Variants in SCN4A observed in about 807,000 individuals in gnomAD.
SCN4A encodes sodium voltage-gated channel alpha subunit 4.
A neutral mutation model predicts 162.0 loss-of-function variants in SCN4A; 83 were observed. The observed-to-expected ratio is 0.51, with a 90% CI of 0.43 to 0.61. SCN4A has a LOEUF of 0.61. Among genes scored for constraint, SCN4A ranks in the 20% least tolerant of loss-of-function variants. The pLI, the probability that SCN4A is intolerant of heterozygous loss-of-function variation, is 0.00. For synonymous variants in SCN4A, 944 were observed against 985.1 expected (o/e 0.96, Z 0.78); for missense variants, 2,196 against 2,462.5 (o/e 0.89, Z 2.29).
In SCN4A at chr17:63,972,062, A is replaced by T; in HGVS notation, c.482+74T>A. 8.2e-7 allele frequency: 1 copy of T among 1,220,502 alleles called. No homozygotes were observed. Among genetic ancestry groups the T allele is most frequent in the Non-Finnish European group, 1.2e-6 (1 of 839,614 alleles). The allele number at this position is 1,220,502 out of a possible 1,614,324, so 75.6% of individuals were successfully genotyped here. A position where few individuals can be genotyped will look rare whatever the true frequency, so the allele number is the denominator to read the frequency against. ...TGTCTCCCTGAAAGACAAGAGCAGC[A>T]CCACACAGAGGTGCAAACACCTGAG... On this transcript the variant is annotated intron_variant, in intron 3 of 23. Coordinates refer to ENST00000435607, the MANE Select transcript of SCN4A (RefSeq NM_000334.4). This position sits in a 1 kb window ranked among gnomAD's most constrained non-coding sequence, Gnocchi z 4.3.
At chr17:63,959,780 T>C (rs1449921138) in intron 11 of SCN4A, among the ~76,000 whole-genome samples, 2 of 152,214 alleles carry the variant, frequency 1.3e-5, no homozygotes, top group African/African-American at 4.8e-5. Flanking sequence ...GTGACTTCAC[T>C]GGTATCCTGA....
intron 13 of SCN4A, among the ~76,000 whole-genome samples, chr17:63,953,236 T>C (rs1267504399): frequency 6.6e-6 from 1 of 152,084 alleles, no homozygotes; most frequent in South Asian, 2.1e-4. Context: ...GGCATGCGCC[T>C]GTAGTCCTAA....
In SCN4A at chr17:63,947,877, TG is replaced by T. The variant is rs771015973; in HGVS notation, c.3318+12del. On this transcript the variant is annotated intron_variant, in intron 17 of 23. Transcript: ENST00000435607. ...TCTGGATGTAGCTACGGGGCCAGCGTGGGGGGACTCACATCCACGATGAGGA... is the reference window on the plus strand; with the variant it reads ...TCTGGATGTAGCTACGGGGCCAGCGTGGGGGACTCACATCCACGATGAGGA... 2.5e-6 allele frequency: 4 copies of T among 1,612,340 alleles called. No individual in the cohort carries two copies. In the South Asian group the frequency reaches 4.4e-5, roughly 18 times the overall value.
chr17:63,952,349 G>A (rs1016103726), intron 13 of SCN4A, among the ~76,000 whole-genome samples: 28 of 151,936 alleles, frequency 1.8e-4, no homozygotes, highest in African/African-American at 3.9e-4. Context: ...TTGTAGAGAC[G>A]GGGTTTCAAC....
At chr17:63,961,667 G>C (rs1187452260) in intron 10 of SCN4A, 6 of 512,800 alleles carry the variant, frequency 1.2e-5, no homozygotes, top group African/African-American at 7.7e-5. Flanking sequence ...GAGCGCGGCC[G>C]GCTCCAAGCT....
At position 63,940,831 on chromosome 17, in the gene SCN4A, C is replaced by T. The variant is rs1555600494; in HGVS notation, c.5451G>A (p.Trp1817Ter). 6.2e-7 allele frequency: 1 copy of T among 1,608,178 alleles called. No individual in the cohort carries two copies. Among genetic ancestry groups the T allele is most frequent in the Non-Finnish European group, 8.5e-7 (1 of 1,176,132 alleles). ...TCTGCCCTGGGGGAGGGGCGGGAGG[C>T]CAGGCAGTGTCTGAGGGGCTGATGG... The part of the protein sequence containing the change: ...LMPISPSDTA[W>*]PPAPPPGQTV... Residue 1817 changes from tryptophan to a stop codon, truncating the protein, a stop_gained, in exon 24 of 24, where the codon TGG (tryptophan) becomes TGA (stop). Transcript: ENST00000435607. LOFTEE classifies it high-confidence loss of function.
At chr17:63,963,390 C>A (rs920888377) in intron 10 of SCN4A, among the ~76,000 whole-genome samples, 2 of 152,226 alleles carry the variant, frequency 1.3e-5, no homozygotes, top group Admixed American at 6.5e-5. Context: ...CCCATAGCAG[C>A]CTGGCCTTGC....
Position 63,951,527 on chromosome 17 carries a change from T to C in SCN4A, c.2750A>G (p.Asn917Ser), listed in dbSNP as rs1467103662. Residue 917 changes from asparagine (N) to serine (S), a missense_variant, in exon 14 of 24, where the codon AAC (asparagine) becomes AGC (serine). Asn to Ser is a conservative substitution (Grantham distance 46, BLOSUM62 1). Transcript: ENST00000435607. This position sits in a 1 kb window ranked among gnomAD's most constrained non-coding sequence, Gnocchi z 4.5. Reference sequence around the variant, plus strand: ...GGGCACCTGTATGGTCAGGTAGGGGTTGTTGATGAAGTTAAGGTGGTCCAG... The same window carrying C: ...GGGCACCTGTATGGTCAGGTAGGGGCTGTTGATGAAGTTAAGGTGGTCCAG... Reference protein sequence around the residue: ...LELDHLNFINNPYLTIQVPIA... With the variant: ...LELDHLNFINSPYLTIQVPIA... 1.2e-6 allele frequency: 2 copies of C among 1,613,536 alleles called. No individual in the cohort carries two copies. Among genetic ancestry groups the C allele is most frequent in the Non-Finnish European group, 8.5e-7 (1 of 1,179,770 alleles).
At chr17:63,946,353 G>A (rs1418300610) in intron 18 of SCN4A, among the ~76,000 whole-genome samples, 2 of 152,252 alleles carry the variant, frequency 1.3e-5, no homozygotes, top group East Asian at 3.9e-4. Flanking sequence ...GACAGGAAGG[G>A]GCCGCTTGGG....
chr17:63,941,546 CAGA>C lies in SCN4A; in HGVS notation c.4733_4735del (p.Phe1578del). On this transcript the variant is annotated inframe_deletion, in exon 24 of 24. Transcript: ENST00000435607. This position sits in a 1 kb window ranked among gnomAD's most constrained non-coding sequence, Gnocchi z 6.2. ...GAGGAAGGAGATGATGATATAGCTGCAGAAGAAGCAGATGCCGATGGAGGGGTT... is the reference window on the plus strand; with the variant it reads ...GAGGAAGGAGATGATGATATAGCTGCAGAAGCAGATGCCGATGGAGGGGTT... The C allele has an allele frequency of 2.5e-6, 4 of 1,614,044 alleles. No individual in the cohort carries two copies. The highest frequency in any genetic ancestry group is 3.4e-6 in the Non-Finnish European group (4 of 1,180,012).
chr17:63,962,331 C>T (rs953907720), intron 10 of SCN4A, among the ~76,000 whole-genome samples: 6 of 152,196 alleles, frequency 3.9e-5, no homozygotes, highest in Non-Finnish European at 8.8e-5. Flanking sequence ...TGTCCCCAGC[C>T]GGTCCATCCT....
In SCN4A at chr17:63,949,614, G is replaced by A. The variant is rs566067052; in HGVS notation, c.2854-86C>T. On this transcript the variant is annotated intron_variant, in intron 14 of 23. Transcript: ENST00000435607. ...CCAGATGGGGCAGGATGGGAGACCA[G>A]AAGGGAAGGGAAGAAGAGAGGGAGG... The A allele has an allele frequency of 3.6e-5, 51 of 1,423,610 alleles. No individual in the cohort carries two copies. In the Admixed American group the frequency reaches 6.7e-4, roughly 19 times the overall value. 88.2% of individuals were successfully genotyped at this position (1,423,610 alleles called of 1,614,324 possible).
chr17:63,954,123 C>T (rs1453650539), intron 13 of SCN4A, among the ~76,000 whole-genome samples: 2 of 152,180 alleles, frequency 1.3e-5, no homozygotes, highest in Admixed American at 6.5e-5. Flanking sequence ...CACCCTTGGC[C>T]GTCTCCTCGG....
At chr17:63,962,053 T>G (rs1414695884) in intron 10 of SCN4A, among the ~76,000 whole-genome samples, 1 of 151,182 alleles carries the variant, frequency 6.6e-6, no homozygotes, top group Non-Finnish European at 1.5e-5. Flanking sequence ...CGCCTTTCAA[T>G]GCCCTGCCTC....
intron 16 of SCN4A, 113 bp from the exon 17 acceptor site, chr17:63,948,176 G>A: frequency 2.5e-6 from 2 of 791,470 alleles, no homozygotes; most frequent in Non-Finnish European, 1.9e-6. Flanking sequence ...TGGGGGCCCA[G>A]CCCAAGGGAC....
At chr17:63,946,302 G>C (rs1484287754) in intron 18 of SCN4A, among the ~76,000 whole-genome samples, 1 of 152,070 alleles carries the variant, frequency 6.6e-6, no homozygotes, top group Non-Finnish European at 1.5e-5. Flanking sequence ...CCCTGGCTCT[G>C]GGGGGTCAGA....
chr17:63,970,128 A>G (rs1424457490), intron 5 of SCN4A, among the ~76,000 whole-genome samples: 1 of 152,086 alleles, frequency 6.6e-6, no homozygotes, highest in East Asian at 1.9e-4. Context: ...AATTGCTCTG[A>G]CCTTATTGCT....
rs777666702 is a variant in SCN4A, at chr17:63,948,096, G to C, written c.3145-33C>G. ...CACCAGCACCACCAGGGTGGCTGGG[G>C]TCCAGCAGGCTGGGGTGGCAGCCAG... On this transcript the variant is annotated intron_variant, in intron 16 of 23. Coordinates refer to ENST00000435607, the MANE Select transcript of SCN4A (RefSeq NM_000334.4). 2.6e-6 allele frequency: 4 copies of C among 1,565,530 alleles called. No individual in the cohort carries two copies. The African/African-American group carries it at 5.4e-5, about 21-fold the overall frequency.
At position 63,950,081 on chromosome 17, in the gene SCN4A, G is replaced by T. The variant is rs1597972659; in HGVS notation, c.2854-553C>A. The stretch of plus-strand genomic sequence containing the variant: ...CTGATCAGTGTTGGGAGCGGGAGTG[G>T]GGGAGGCGGGTGCTCCAGCCGGGCC... On this transcript the variant is annotated intron_variant, in intron 14 of 23. Coordinates refer to ENST00000435607, the MANE Select transcript of SCN4A (RefSeq NM_000334.4). The surrounding 1 kb of genome is among the most constrained non-coding windows in gnomAD (Gnocchi z 4.6). Among the ~76,000 whole-genome samples the T allele has an allele frequency of 6.6e-6, 1 of 152,128 alleles. No individual in the cohort carries two copies. Among genetic ancestry groups the T allele is most frequent in the Non-Finnish European group, 1.5e-5 (1 of 68,014 alleles).
Sources: gnomAD v4.1 joint callset for allele counts (sites outside exome capture counted in the v4.1 genomes callset) on GRCh38, gnomAD v4.1.1 for gene constraint, Gnocchi (gnomAD v3.1) non-coding constraint, MANE v1.5 for transcripts, NCBI Gene and HGNC (gene_info 2026-07-23, HGNC 2026-07-21) for gene names.